ADAMTS17: variants seen among roughly 807,000 people sequenced by gnomAD.
The protein encoded by ADAMTS17 is A disintegrin and metalloproteinase with thrombospondin motifs 17.
Under a neutral mutation model 141.5 loss-of-function variants are expected in ADAMTS17, and 113 were observed. The observed-to-expected ratio is 0.80, with a 90% CI of 0.69 to 0.93. The LOEUF is 0.93. ADAMTS17 is among the 40% of genes least tolerant of loss of function. The probability of loss-of-function intolerance (pLI) is 0.00; values close to 1 mark genes in which losing one functional copy is unlikely to be tolerated. For missense variants in ADAMTS17, 1,659 were observed against 1,517.9 expected (o/e 1.09, Z -1.54); for synonymous variants, 768 against 630.6 (o/e 1.22, Z -3.27).
intron 15 of ADAMTS17, among the ~76,000 whole-genome samples, chr15:100,061,271 G>A (rs945522848): frequency 2.0e-5 from 3 of 152,158 alleles, no homozygotes; most frequent in African/African-American, 7.2e-5. Flanking sequence ...ATCAGAGGAG[G>A]TGGAGACCCT....
intron 15 of ADAMTS17, among the ~76,000 whole-genome samples, chr15:100,066,105 T>C (rs2033505029): frequency 6.6e-6 from 1 of 152,222 alleles, no homozygotes; most frequent in African/African-American, 2.4e-5. Flanking sequence ...TGTGCCACAT[T>C]TTCTTTATCC....
At chr15:100,182,470 A>G (rs182315529) in intron 8 of ADAMTS17, among the ~76,000 whole-genome samples, 1 of 152,032 alleles carries the variant, frequency 6.6e-6, no homozygotes, top group African/African-American at 2.4e-5. Flanking sequence ...AAAGTCTCAC[A>G]CTCGTTGTGC....
At chr15:100,321,052 C>T (rs1200912105) in intron 3 of ADAMTS17, among the ~76,000 whole-genome samples, 1 of 151,806 alleles carries the variant, frequency 6.6e-6, no homozygotes, top group Non-Finnish European at 1.5e-5. Context: ...TGGGAAGAGA[C>T]AAAGACAAAA....
At chr15:100,178,537 T>C (rs963289627) in intron 8 of ADAMTS17, among the ~76,000 whole-genome samples, 3 of 152,204 alleles carry the variant, frequency 2.0e-5, no homozygotes, top group Non-Finnish European at 4.4e-5. Flanking sequence ...TTTACGAAGT[T>C]AAGAATACTC....
chr15:100,107,951 G>A (rs1294668486), intron 14 of ADAMTS17, among the ~76,000 whole-genome samples: 1 of 152,090 alleles, frequency 6.6e-6, no homozygotes, highest in Non-Finnish European at 1.5e-5. Context: ...TGTGGCATAA[G>A]CGAGGCACAG....
rs992849450 is a variant in ADAMTS17 at position 100,140,784 on chromosome 15, T to G, written c.1474-7469A>C. Among the ~76,000 whole-genome samples the G allele has an allele frequency of 5.3e-5, 8 of 152,166 alleles. No individual in the cohort carries two copies. The East Asian group carries it at 7.7e-4, about 15-fold the overall frequency. On this transcript the variant is annotated intron_variant, in intron 10 of 21. Transcript: ENST00000268070. ...CCCAATTTCCTCTTCCCGCTTCCCC[T>G]GCAATCATGCATTCTCGGTGTGAGT...
rs566400568 is a variant in ADAMTS17, at chr15:100,140,281, C to A, written c.1474-6966G>T. On this transcript the variant is annotated intron_variant, in intron 10 of 21. Transcript: ENST00000268070. ...AAAGTGCTGGGATTACAGGCATGAG[C>A]CACTGTGCCTGGCCGTGTAAGATGT... Among the ~76,000 whole-genome samples the A allele has an allele frequency of 7.2e-5, 11 of 152,230 alleles. No homozygotes were observed. In the South Asian group the frequency reaches 2.1e-3, roughly 29 times the overall value.
chr15:100,222,488 C>T (rs1244338153), intron 7 of ADAMTS17, among the ~76,000 whole-genome samples: 1 of 152,230 alleles, frequency 6.6e-6, no homozygotes, highest in African/African-American at 2.4e-5. Context: ...CTCAGTGCTG[C>T]ACTGGGAGAA....
intron 8 of ADAMTS17, among the ~76,000 whole-genome samples, chr15:100,196,783 C>G (rs2041134465): frequency 6.6e-6 from 1 of 152,214 alleles, no homozygotes; most frequent in South Asian, 2.1e-4. Flanking sequence ...GCCCATATAG[C>G]CTGCAACCAC....
At chr15:100,037,513 C>T (rs1238187366) in intron 18 of ADAMTS17, among the ~76,000 whole-genome samples, 12 of 151,828 alleles carry the variant, frequency 7.9e-5, no homozygotes, top group African/African-American at 2.9e-4. Flanking sequence ...GGGGCTCAAG[C>T]CATTCTCATG....
intron 15 of ADAMTS17, among the ~76,000 whole-genome samples, chr15:100,068,443 G>A (rs1053542194): frequency 6.6e-6 from 1 of 152,224 alleles, no homozygotes; most frequent in African/African-American, 2.4e-5. Context: ...TGCGAACAGA[G>A]AGACTGCCTC....
chr15:100,303,143 T>C (rs1362127643), intron 3 of ADAMTS17, among the ~76,000 whole-genome samples: 1 of 146,342 alleles, frequency 6.8e-6, no homozygotes, highest in Non-Finnish European at 1.5e-5. Context: ...TTTATATTTA[T>C]ATATAAACTA....
At chr15:100,243,854 A>C (rs1372731044) in intron 7 of ADAMTS17, among the ~76,000 whole-genome samples, 1 of 142,284 alleles carries the variant, frequency 7.0e-6, no homozygotes, top group Non-Finnish European at 1.5e-5. Context: ...GAAAGTGGTC[A>C]TCCTAATGAG....
chr15:100,164,717 C>T (rs979521338), intron 8 of ADAMTS17, among the ~76,000 whole-genome samples: 2 of 152,178 alleles, frequency 1.3e-5, no homozygotes, highest in Non-Finnish European at 2.9e-5. Context: ...GTTCCCACCC[C>T]ACTTCAACGC....
At position 100,301,320 on chromosome 15, in the gene ADAMTS17, GA is replaced by G. The variant is rs201235480; in HGVS notation, c.617-19920del. Among the ~76,000 whole-genome samples, 771 of 147,148 alleles carry G rather than the reference GA, an allele frequency of 5.2e-3. 12 individuals carry two copies. In the East Asian group the frequency reaches 0.068, roughly 13 times the overall value. On this transcript the variant is annotated intron_variant, in intron 3 of 21. Transcript: ENST00000268070. ...CTTTTCTCTCTCTACTGTTCTATGT[GA>G]GTTATATATATATATATATTTTTCT...
At chr15:100,114,331 TC>T (rs1415056245) in intron 13 of ADAMTS17, among the ~76,000 whole-genome samples, 4 of 152,236 alleles carry the variant, frequency 2.6e-5, no homozygotes, top group Admixed American at 2.0e-4. Flanking sequence ...CAGGAAACGT[TC>T]CTATCACGGC....
chr15:100,115,650 C>T lies in ADAMTS17; in HGVS notation c.1888+1197G>A, dbSNP rs556958400. Among the ~76,000 whole-genome samples, 39 of 152,284 alleles carry T rather than the reference C, an allele frequency of 2.6e-4. No individual in the cohort carries two copies. In the South Asian group the frequency reaches 5.6e-3, roughly 22 times the overall value. On this transcript the variant is annotated intron_variant, in intron 13 of 21. Coordinates refer to ENST00000268070, the MANE Select transcript of ADAMTS17 (RefSeq NM_139057.4). ...GCCCGGGCCCACCTTCACACAGCTA[C>T]GCACACCTGAACTTGCGACAGCAGA...
Position 100,305,388 on chromosome 15 carries a change from G to T in ADAMTS17, c.617-23987C>A, listed in dbSNP as rs539384253. Among the ~76,000 whole-genome samples the T allele has an allele frequency of 2.0e-5, 3 of 152,308 alleles. No individual in the cohort carries two copies. The East Asian group carries it at 5.8e-4, about 29-fold the overall frequency. On this transcript the variant is annotated intron_variant, in intron 3 of 21. Coordinates refer to ENST00000268070, the MANE Select transcript of ADAMTS17 (RefSeq NM_139057.4). ...TCCCTGAAATAAATCCGTCTCAAAG[G>T]CTGTGGTATTTGTACTCAGGTCTTC... is the stretch of plus-strand genomic sequence containing the variant.
At chr15:100,259,348 C>T (rs1275733865) in intron 6 of ADAMTS17, among the ~76,000 whole-genome samples, 5 of 152,208 alleles carry the variant, frequency 3.3e-5, no homozygotes, top group Admixed American at 2.0e-4. Context: ...CTGAATGCTG[C>T]GGCACCCAGG....
Sources: allele counts gnomAD v4.1 joint callset (sites outside exome capture counted in the v4.1 genomes callset), GRCh38; gene constraint gnomAD v4.1.1; transcripts MANE v1.5; gene names NCBI Gene and HGNC (gene_info 2026-07-23, HGNC 2026-07-21).